IGFBP7: variants seen among roughly 807,000 people sequenced by gnomAD.
IGFBP7 encodes insulin-like growth factor-binding protein 7.
A neutral mutation model predicts 29.4 loss-of-function variants in IGFBP7; 31 were observed. The ratio of observed to expected loss-of-function variants is 1.05; its 90% confidence interval spans 0.79 to 1.42. IGFBP7 has a LOEUF of 1.42. Among genes scored for constraint, IGFBP7 ranks in the 40% most tolerant of loss-of-function variants. The pLI, the probability that IGFBP7 is intolerant of heterozygous loss-of-function variation, is 0.00. For synonymous variants in IGFBP7, 172 were observed against 174.9 expected, an observed-to-expected ratio of 0.98 and a Z score of 0.13; for missense variants, 393 against 395.5, an observed-to-expected ratio of 0.99 and a Z score of 0.05.
intron 1 of IGFBP7, among the ~76,000 whole-genome samples, chr4:57,042,774 C>T (rs1724262704): frequency 6.6e-6 from 1 of 152,190 alleles, no homozygotes; most frequent in African/African-American, 2.4e-5. Context: ...TTCCTGTGGT[C>T]TCTGGCTGCT....
At chr4:57,086,136 A>G (rs1304987350) in intron 1 of IGFBP7, among the ~76,000 whole-genome samples, 1 of 152,216 alleles carries the variant, frequency 6.6e-6, no homozygotes, top group Non-Finnish European at 1.5e-5. Flanking sequence ...TACATCTTAC[A>G]TGGTGTCAGG....
At chr4:57,096,992 G>A (rs888168949) in intron 1 of IGFBP7, among the ~76,000 whole-genome samples, 1 of 152,252 alleles carries the variant, frequency 6.6e-6, no homozygotes, top group African/African-American at 2.4e-5. Context: ...TGTACATAAT[G>A]GGCATTAATT....
chr4:57,032,193 A>T, intron 4 of IGFBP7: 1 of 1,116,362 alleles, frequency 9.0e-7, no homozygotes, highest in Non-Finnish European at 1.2e-6. Context: ...TTTGACTCTT[A>T]CATGTTAGAT....
intron 2 of IGFBP7, among the ~76,000 whole-genome samples, chr4:57,040,032 A>C (rs568519746): frequency 1.3e-5 from 2 of 152,278 alleles, no homozygotes; most frequent in African/African-American, 4.8e-5. Context: ...GCATTTAGCA[A>C]AATTCAGAAA....
chr4:57,060,579 G>A (rs1013618051), intron 1 of IGFBP7, among the ~76,000 whole-genome samples: 1 of 152,052 alleles, frequency 6.6e-6, no homozygotes, highest in Non-Finnish European at 1.5e-5. Context: ...GTTATCCATT[G>A]TTTTCTACTT....
intron 2 of IGFBP7, among the ~76,000 whole-genome samples, chr4:57,035,970 T>C (rs1724074627): frequency 6.6e-6 from 1 of 152,200 alleles, no homozygotes; most frequent in South Asian, 2.1e-4. Context: ...ATCTATCTTA[T>C]AGCAATACAA....
Position 57,106,065 on chromosome 4 carries a change from C to A in IGFBP7, c.475+3812G>T, listed in dbSNP as rs184816308. ...GGGACTACAGGTGCCCGCCACCACGCCTGGCTAATTTTCTGTATTTTTAGT... is the reference window on the plus strand; with the variant it reads ...GGGACTACAGGTGCCCGCCACCACGACTGGCTAATTTTCTGTATTTTTAGT... On this transcript the variant is annotated intron_variant, in intron 1 of 4. Coordinates refer to ENST00000295666, the MANE Select transcript of IGFBP7 (RefSeq NM_001553.3). Among the ~76,000 whole-genome samples, 76 of 152,096 alleles carry A rather than the reference C, an allele frequency of 5.0e-4. 1 individual carries two copies. The highest frequency in any genetic ancestry group is 6.8e-3 in the Middle Eastern group (2 of 294).
intron 1 of IGFBP7, among the ~76,000 whole-genome samples, chr4:57,053,441 T>A (rs34051782): frequency 0.24 from 35,884 of 151,976 alleles, 4,530 homozygotes; most frequent in East Asian, 0.34. Context: ...CTGGTACATG[T>A]GGTCTGGTGT....
intron 1 of IGFBP7, among the ~76,000 whole-genome samples, chr4:57,041,263 A>G (rs1220436440): frequency 6.6e-6 from 1 of 152,196 alleles, no homozygotes; most frequent in Non-Finnish European, 1.5e-5. Flanking sequence ...ATAAAATTTT[A>G]GTTCCAAAAT....
intron 1 of IGFBP7, among the ~76,000 whole-genome samples, chr4:57,042,593 C>G (rs1724257026): frequency 6.6e-6 from 1 of 152,208 alleles, no homozygotes; most frequent in Non-Finnish European, 1.5e-5. Context: ...AGCGATCCCC[C>G]CACCTTGGCC....
Position 57,110,318 on chromosome 4 carries a change from C to G in IGFBP7, c.34G>C (p.Gly12Arg), listed in dbSNP as rs1343563306. The G allele has an allele frequency of 2.1e-6, 3 of 1,407,482 alleles. No individual in the cohort carries two copies. The highest frequency in any genetic ancestry group is 2.8e-6 in the Non-Finnish European group (3 of 1,079,634). 87.2% of individuals were successfully genotyped at this position (1,407,482 alleles called of 1,614,324 possible). ...ERPSLRALLL[G>R]AAGLLLLLLP... ...AGCAGGAGCAGCAGCCCAGCGGCGC[C>G]GAGGAGCAGGGCGCGCAGCGACGGC... Residue 12 changes from glycine to arginine, a missense_variant, in exon 1 of 5, where the codon GGC (glycine) becomes CGC (arginine). Physicochemically the swap from Gly to Arg is moderately radical, Grantham distance 125 (BLOSUM62 -2). Coordinates refer to ENST00000295666, the MANE Select transcript of IGFBP7 (RefSeq NM_001553.3).
At position 57,109,886 on chromosome 4, in the gene IGFBP7, A is replaced by G; in HGVS notation, c.466T>C (p.Cys156Arg). ...AAGCGCTCGTGCCCACCTTGCTCGC[A>G]GGTGCCCTTGCTGACCTGGGTGATG... ...KAITQVSKGT[C>R]EQGPSIVTPP... The change falls in exon 1 of 5, where the codon TGC (cysteine) becomes CGC (arginine). Residue 156 changes from cysteine to arginine, a missense_variant. Transcript: ENST00000295666. 6.5e-7 allele frequency: 1 copy of G among 1,547,070 alleles called. No individual in the cohort carries two copies. The highest frequency in any genetic ancestry group is 1.9e-4 in the Middle Eastern group (1 of 5,202).
intron 2 of IGFBP7, among the ~76,000 whole-genome samples, chr4:57,038,978 A>G (rs7675307): frequency 0.43 from 64,390 of 150,418 alleles, 14,306 homozygotes; most frequent in East Asian, 0.54. Context: ...AGGCAGAAGA[A>G]TCACTTGAAC....
chr4:57,060,632 G>C (rs1724777008), intron 1 of IGFBP7, among the ~76,000 whole-genome samples: 1 of 152,110 alleles, frequency 6.6e-6, no homozygotes, highest in South Asian at 2.1e-4. Flanking sequence ...TACAGCAAAG[G>C]GTTTATGGAG....
At chr4:57,057,132 A>G (rs887411627) in intron 1 of IGFBP7, among the ~76,000 whole-genome samples, 3 of 152,126 alleles carry the variant, frequency 2.0e-5, no homozygotes, top group Admixed American at 2.0e-4. Flanking sequence ...CAGCCTTCCA[A>G]GTAGCTGGGA....
intron 1 of IGFBP7, chr4:57,073,120 C>T (rs1725099355): frequency 1.9e-6 from 3 of 1,595,970 alleles, no homozygotes; most frequent in Admixed American, 3.4e-5. Context: ...AGGTCACCAG[C>T]CAGGAGCCCT....
chr4:57,032,424 A>G lies in IGFBP7; in HGVS notation c.829+2T>C, dbSNP rs759198466. ...TAAATGGCTGTGAGATTTATTGTGTACCTTTTTTCACTGGTATTTCATGTA... is the reference window on the plus strand; with the variant it reads ...TAAATGGCTGTGAGATTTATTGTGTGCCTTTTTTCACTGGTATTTCATGTA... On this transcript the variant is annotated splice_donor_variant, in intron 4 of 4. Transcript: ENST00000295666. LOFTEE classifies it high-confidence loss of function. The G allele has an allele frequency of 4.3e-6, 7 of 1,613,702 alleles. No homozygotes were observed. The highest frequency in any genetic ancestry group is 5.9e-6 in the Non-Finnish European group (7 of 1,179,692).
chr4:57,078,386 A>G (rs551197960), intron 1 of IGFBP7, among the ~76,000 whole-genome samples: 3 of 152,268 alleles, frequency 2.0e-5, no homozygotes, highest in African/African-American at 7.2e-5. Context: ...CTCATAGGTA[A>G]CCTAAAATTC....
At position 57,050,907 on chromosome 4, in the gene IGFBP7, TCTC is replaced by T. The variant is rs1724489481; in HGVS notation, c.476-9977_476-9975del. 3.3e-5 allele frequency among the ~76,000 whole-genome samples: 5 copies of T among 152,072 alleles called. No homozygotes were observed. The South Asian group carries it at 1.0e-3, about 32-fold the overall frequency. On this transcript the variant is annotated intron_variant, in intron 1 of 4. Coordinates refer to ENST00000295666, the MANE Select transcript of IGFBP7 (RefSeq NM_001553.3). ...GCTAAGACATTTGAGTATGGGGACT[TCTC>T]CGAGTTATGATAGATTTGCAAACAA...
Sources: allele counts gnomAD v4.1 joint callset (sites outside exome capture counted in the v4.1 genomes callset), GRCh38; gene constraint gnomAD v4.1.1; transcripts MANE v1.5; gene names NCBI Gene and HGNC (gene_info 2026-07-23, HGNC 2026-07-21).